ALK: variants seen among roughly 807,000 people sequenced by gnomAD.
The protein encoded by ALK is ALK receptor tyrosine kinase.
In ALK, 74 loss-of-function variants were observed where a neutral mutation model predicts 163.1. The ratio of observed to expected loss-of-function variants is 0.45; its 90% confidence interval spans 0.38 to 0.55. ALK has a LOEUF of 0.55. ALK is among the 20% of genes least tolerant of loss of function. The pLI, the probability that ALK is intolerant of heterozygous loss-of-function variation, is 0.00. For missense variants in ALK, 2,063 were observed against 2,105.3 expected (o/e 0.98, Z 0.39); for synonymous variants, 960 against 843.2 (o/e 1.14, Z -2.40).
chr2:29,214,945 T>TG (rs1669561524), intron 23 of ALK, among the ~76,000 whole-genome samples: 1 of 152,148 alleles, frequency 6.6e-6, no homozygotes, highest in African/African-American at 2.4e-5. Context: ...GGACACACAC[T>TG]GGGGGTTCAG....
chr2:29,693,070 C>T (rs1474557163), intron 3 of ALK, among the ~76,000 whole-genome samples: 1 of 151,990 alleles, frequency 6.6e-6, no homozygotes, highest in Non-Finnish European at 1.5e-5. Flanking sequence ...AAGTGATTCA[C>T]ACAAAATATA....
At chr2:29,418,078 C>T (rs1669924185) in intron 4 of ALK, among the ~76,000 whole-genome samples, 1 of 152,290 alleles carries the variant, frequency 6.6e-6, no homozygotes, top group South Asian at 2.1e-4. Context: ...TACTTACAGC[C>T]CATAAGAAGT....
At chr2:29,353,787 T>C (rs1668175675) in intron 5 of ALK, among the ~76,000 whole-genome samples, 1 of 152,126 alleles carries the variant, frequency 6.6e-6, no homozygotes, top group South Asian at 2.1e-4. Context: ...ACTGGTGACA[T>C]TGTACTGTTC....
intron 5 of ALK, among the ~76,000 whole-genome samples, chr2:29,373,633 A>C (rs1668686405): frequency 6.6e-6 from 1 of 152,254 alleles, no homozygotes. Context: ...GGCATTTTAA[A>C]ATTGGCTTTA....
At chr2:29,426,666 C>T (rs950484273) in intron 4 of ALK, among the ~76,000 whole-genome samples, 5 of 152,138 alleles carry the variant, frequency 3.3e-5, no homozygotes, top group Non-Finnish European at 5.9e-5. Context: ...CACCAAAGAA[C>T]ATCAAGAAAG....
At chr2:29,284,055 C>G (rs1320962271) in intron 9 of ALK, among the ~76,000 whole-genome samples, 2 of 152,136 alleles carry the variant, frequency 1.3e-5, no homozygotes, top group East Asian at 3.9e-4. Context: ...GCTACTCAAG[C>G]TGGAAAAACA....
chr2:29,585,868 C>G (rs1334168886), intron 3 of ALK, among the ~76,000 whole-genome samples: 1 of 151,640 alleles, frequency 6.6e-6, no homozygotes, highest in Non-Finnish European at 1.5e-5. Flanking sequence ...AATTATTATC[C>G]TAAGATACAT....
At chr2:29,452,093 T>C (rs1573366147) in intron 4 of ALK, among the ~76,000 whole-genome samples, 1 of 152,100 alleles carries the variant, frequency 6.6e-6, no homozygotes, top group Admixed American at 6.5e-5. Flanking sequence ...ACGAAGGAGG[T>C]TGCACTGTGC....
chr2:29,919,194 A>C (rs1437701196), intron 1 of ALK, among the ~76,000 whole-genome samples: 1 of 152,222 alleles, frequency 6.6e-6, no homozygotes, highest in Admixed American at 6.5e-5. Context: ...CTGCTGCTGC[A>C]GACGTTCAAG....
intron 4 of ALK, among the ~76,000 whole-genome samples, chr2:29,444,598 C>G (rs1028535902): frequency 6.6e-6 from 1 of 152,124 alleles, no homozygotes; most frequent in African/African-American, 2.4e-5. Context: ...ATTAAAAATT[C>G]TGTTTTACAA....
chr2:29,446,896 T>A (rs1431852755), intron 4 of ALK, among the ~76,000 whole-genome samples: 1 of 152,082 alleles, frequency 6.6e-6, no homozygotes, highest in Non-Finnish European at 1.5e-5. Flanking sequence ...GAAGCTAGAG[T>A]TTAGTGTGTG....
rs559924042 is a variant in ALK, at chr2:29,541,150, A to T, written c.953-9034T>A. Reference sequence around the variant, plus strand: ...CACAACTGTTTAACCAAACTGATCTATTCTCAGGACTAAAAGACTGATTTA... The same window carrying T: ...CACAACTGTTTAACCAAACTGATCTTTTCTCAGGACTAAAAGACTGATTTA... On this transcript the variant is annotated intron_variant, in intron 3 of 28. Coordinates refer to ENST00000389048, the MANE Select transcript of ALK (RefSeq NM_004304.5). Among the ~76,000 whole-genome samples, 18 of 152,336 alleles carry T rather than the reference A, an allele frequency of 1.2e-4. 2 individuals carry two copies. In the South Asian group the frequency reaches 3.5e-3, roughly 30 times the overall value.
chr2:29,903,172 CA>C (rs575900518), intron 1 of ALK, among the ~76,000 whole-genome samples: 1 of 152,112 alleles, frequency 6.6e-6, no homozygotes, highest in Non-Finnish European at 1.5e-5. Context: ...TAGAACCGTA[CA>C]AAGTCCTGAA....
chr2:29,404,655 G>A (rs1266089840), intron 4 of ALK, among the ~76,000 whole-genome samples: 1 of 152,210 alleles, frequency 6.6e-6, no homozygotes. Flanking sequence ...TGAGTATAGT[G>A]TGCGCCAGGC....
chr2:29,303,117 A>G (rs1288065078), intron 8 of ALK, among the ~76,000 whole-genome samples: 1 of 152,216 alleles, frequency 6.6e-6, no homozygotes, highest in Non-Finnish European at 1.5e-5. Context: ...CAAACTATGC[A>G]TCCAAGAAGG....
chr2:29,562,610 T>A (rs544360575), intron 3 of ALK, among the ~76,000 whole-genome samples: 16 of 152,188 alleles, frequency 1.1e-4, no homozygotes, highest in African/African-American at 2.9e-4. Flanking sequence ...GCAGAACAAT[T>A]GGAAAGAAGA....
chr2:29,543,688 T>C (rs1673473863), intron 3 of ALK, among the ~76,000 whole-genome samples: 1 of 152,202 alleles, frequency 6.6e-6, no homozygotes, highest in Non-Finnish European at 1.5e-5. Flanking sequence ...TTACCTGCAC[T>C]CTCAGCAGAT....
In ALK at chr2:29,382,042, A is replaced by G. The variant is rs149890270; in HGVS notation, c.1282+1690T>C. Among the ~76,000 whole-genome samples, 895 of 152,308 alleles carry G rather than the reference A, an allele frequency of 5.9e-3. 5 individuals are homozygous for G. The highest frequency in any genetic ancestry group is 0.02 in the African/African-American group (848 of 41,566). On this transcript the variant is annotated intron_variant, in intron 5 of 28. Transcript: ENST00000389048. ...GACCCAGAGAAGAATCACAGAGAACATTTGCCTCCTCATGGAGACCATCTG... is the reference window on the plus strand; with the variant it reads ...GACCCAGAGAAGAATCACAGAGAACGTTTGCCTCCTCATGGAGACCATCTG...
intron 3 of ALK, among the ~76,000 whole-genome samples, chr2:29,558,488 G>C (rs532446416): frequency 1.3e-5 from 2 of 152,178 alleles, no homozygotes; most frequent in East Asian, 3.9e-4. Flanking sequence ...CACAAGACTG[G>C]TCACTGCTAC....
Sources: gnomAD v4.1 joint callset for allele counts (sites outside exome capture counted in the v4.1 genomes callset) on GRCh38, gnomAD v4.1.1 for gene constraint, MANE v1.5 for transcripts, NCBI Gene and HGNC (gene_info 2026-07-23, HGNC 2026-07-21) for gene names.